Variants in CMC1 observed in about 807,000 individuals in gnomAD.
CMC1 encodes the protein COX assembly mitochondrial protein homolog.
Under a neutral mutation model 14.1 loss-of-function variants are expected in CMC1, and 14 were observed. That is an observed-to-expected ratio of 0.99 (90% CI 0.66 to 1.55). The LOEUF (loss-of-function observed/expected upper bound fraction) is 1.55, where lower values mean the gene tolerates loss of function less well. Among genes scored for constraint, CMC1 ranks in the 40% most tolerant of loss-of-function variants. The pLI is 0.00. For synonymous variants in CMC1, 50 were observed against 38.4 expected (o/e 1.30, Z -1.12); for missense variants, 127 against 123.8 (o/e 1.03, Z -0.12).
At chr3:28,290,628 T>C (rs998542370) in intron 2 of CMC1, among the ~76,000 whole-genome samples, 5 of 152,164 alleles carry the variant, frequency 3.3e-5, no homozygotes, top group Non-Finnish European at 7.3e-5. Context: ...TTCTGGAACA[T>C]ACTGTGCCCT....
Position 28,322,547 on chromosome 3 carries a change from A to G in CMC1, c.*2918A>G, listed in dbSNP as rs1703218513. The G allele has an allele frequency of 6.6e-6, 1 of 151,614 alleles. No individual in the cohort carries two copies. Among genetic ancestry groups the G allele is most frequent in the Non-Finnish European group, 1.5e-5 (1 of 67,372 alleles). The allele number at this position is 151,614 out of a possible 1,614,324, so 9.4% of individuals were successfully genotyped here. ...ATACAGCCTATGCAGCCACATGAGA[A>G]ATAGTTTTTGCTGCTTTGTTATTAC... is the stretch of plus-strand genomic sequence containing the variant. On this transcript the variant is annotated 3_prime_UTR_variant, in exon 4 of 4. Transcript: ENST00000466830.
At chr3:28,308,989 AAT>A (rs533554870) in intron 2 of CMC1, among the ~76,000 whole-genome samples, 3,212 of 30,202 alleles carry the variant, frequency 0.11, 106 homozygotes, top group Middle Eastern at 0.16. Flanking sequence ...CTCAAAAAAA[AAT>A]AAATAAATAA....
chr3:28,243,229 T>C (rs1279985756), intron 1 of CMC1, among the ~76,000 whole-genome samples: 1 of 152,024 alleles, frequency 6.6e-6, no homozygotes, highest in Non-Finnish European at 1.5e-5. Flanking sequence ...CTAATTTTTG[T>C]ATTTTTAGTA....
At chr3:28,276,865 G>A (rs781003271) in intron 2 of CMC1, among the ~76,000 whole-genome samples, 17 of 152,190 alleles carry the variant, frequency 1.1e-4, no homozygotes, top group Non-Finnish European at 1.6e-4. Context: ...TTAATAGCCC[G>A]TTTTTGAGGG....
At chr3:28,252,639 G>T (rs1341495735) in intron 1 of CMC1, among the ~76,000 whole-genome samples, 3 of 152,166 alleles carry the variant, frequency 2.0e-5, no homozygotes, top group Admixed American at 6.5e-5. Flanking sequence ...ACTGTCTAAA[G>T]GTTGTTTCCC....
intron 1 of CMC1, among the ~76,000 whole-genome samples, chr3:28,257,913 C>T (rs1367582813): frequency 6.6e-6 from 1 of 151,830 alleles, no homozygotes; most frequent in Non-Finnish European, 1.5e-5. Context: ...TTTCACAGTC[C>T]CATCAGCAAG....
chr3:28,299,679 A>AAG (rs1701924428), intron 2 of CMC1, among the ~76,000 whole-genome samples: 1 of 152,152 alleles, frequency 6.6e-6, no homozygotes. Context: ...TCTAGTTACT[A>AAG]ATTTTAAAAC....
intron 2 of CMC1, among the ~76,000 whole-genome samples, chr3:28,268,555 A>C (rs1254832078): frequency 6.6e-6 from 1 of 152,158 alleles, no homozygotes; most frequent in Non-Finnish European, 1.5e-5. Context: ...GTTCAGCATA[A>C]ATCATATTGT....
At chr3:28,275,734 TGAG>T (rs1229604493) in intron 2 of CMC1, among the ~76,000 whole-genome samples, 1 of 152,134 alleles carries the variant, frequency 6.6e-6, no homozygotes, top group African/African-American at 2.4e-5. Flanking sequence ...TCTGCTGATA[TGAG>T]GAGATCGTAG....
chr3:28,309,915 G>C lies in CMC1; in HGVS notation c.110-6418G>C, dbSNP rs1439157425. ...TGCCTGCTGGTCATACTTGGTACAT[G>C]CCTTTTCTCCTCCACCTGACGTCCA... On this transcript the variant is annotated intron_variant, in intron 2 of 3. Coordinates refer to ENST00000466830, the MANE Select transcript of CMC1 (RefSeq NM_182523.2). Among the ~76,000 whole-genome samples the C allele has an allele frequency of 2.4e-5, 3 of 127,000 alleles. No individual in the cohort carries two copies. In the Admixed American group the frequency reaches 2.6e-4, roughly 11 times the overall value. The allele number at this position is 127,000 out of a possible 152,430, so 83.3% of individuals were successfully genotyped here. A position where few individuals can be genotyped will look rare whatever the true frequency, so the allele number is the denominator to read the frequency against.
At position 28,321,802 on chromosome 3, in the gene CMC1, T is replaced by TA. The variant is rs539383695; in HGVS notation, c.*2174dup. 5.3e-5 allele frequency: 8 copies of TA among 151,466 alleles called. No homozygotes were observed. In the East Asian group the frequency reaches 1.6e-3, roughly 29 times the overall value. 9.4% of individuals were successfully genotyped at this position (151,466 alleles called of 1,614,324 possible). A position where few individuals can be genotyped will look rare whatever the true frequency, so the allele number is the denominator to read the frequency against. On this transcript the variant is annotated 3_prime_UTR_variant, in exon 4 of 4. Transcript: ENST00000466830. ...ATTTTGGCAGCAACTCAGTAAGTCT[T>TA]ACAGATGTAAATTTTACTTTAGCTA...
At chr3:28,311,586 A>C (rs1702641929) in intron 2 of CMC1, among the ~76,000 whole-genome samples, 1 of 152,150 alleles carries the variant, frequency 6.6e-6, no homozygotes, top group African/African-American at 2.4e-5. Context: ...TTGAAAACTG[A>C]GGGTGACCTC....
intron 2 of CMC1, among the ~76,000 whole-genome samples, chr3:28,303,323 A>C (rs1249361674): frequency 1.3e-5 from 2 of 152,168 alleles, no homozygotes; most frequent in Admixed American, 1.3e-4. Flanking sequence ...GTTTCTATTC[A>C]ACATTATTAA....
intron 2 of CMC1, among the ~76,000 whole-genome samples, chr3:28,287,178 AC>A (rs1220859311): frequency 6.6e-6 from 1 of 151,848 alleles, no homozygotes; most frequent in Non-Finnish European, 1.5e-5. Context: ...CCAAGAACAG[AC>A]TCCAGTGAAG....
rs930881483 is a variant in CMC1 at position 28,322,440 on chromosome 3, T to A, written c.*2811T>A. ...TAATCAAGCAATTATCTCATAAGAC[T>A]TTTTTTCTTTACAAAGGAAAATTTC... On this transcript the variant is annotated 3_prime_UTR_variant, in exon 4 of 4. Transcript: ENST00000466830. 6.6e-6 allele frequency: 1 copy of A among 151,650 alleles called. No homozygotes were observed. Among genetic ancestry groups the A allele is most frequent in the Non-Finnish European group, 1.5e-5 (1 of 67,424 alleles). The allele number at this position is 151,650 out of a possible 1,614,324, so 9.4% of individuals were successfully genotyped here.
At chr3:28,254,981 A>G (rs1439843895) in intron 1 of CMC1, among the ~76,000 whole-genome samples, 1 of 152,200 alleles carries the variant, frequency 6.6e-6, no homozygotes, top group Non-Finnish European at 1.5e-5. Flanking sequence ...TCCACTCTAC[A>G]AGATGTGTCA....
At chr3:28,309,862 A>ACACAC in intron 2 of CMC1, among the ~76,000 whole-genome samples, 2 of 41,626 alleles carry the variant, frequency 4.8e-5, no homozygotes, top group African/African-American at 1.5e-4. Context: ...CACACACACA[A>ACACAC]GCTAATTGCA....
chr3:28,243,128 T>C (rs1698619473), intron 1 of CMC1, among the ~76,000 whole-genome samples: 1 of 152,092 alleles, frequency 6.6e-6, no homozygotes, highest in Non-Finnish European at 1.5e-5. Flanking sequence ...CTATCTCGGC[T>C]CACTGTAGCC....
chr3:28,320,724 C>G lies in CMC1; in HGVS notation c.*1095C>G, dbSNP rs1369278140. 1 of 151,408 alleles carries G rather than the reference C, an allele frequency of 6.6e-6. No homozygotes were observed. Among genetic ancestry groups the G allele is most frequent in the Non-Finnish European group, 1.5e-5 (1 of 67,644 alleles). 9.4% of individuals were successfully genotyped at this position (151,408 alleles called of 1,614,324 possible). ...TCTTTCATTTTGAAAAGTTATATTT[C>G]TAAGTGAATTACCATTCTGTAACAT... is the stretch of plus-strand genomic sequence containing the variant. On this transcript the variant is annotated 3_prime_UTR_variant, in exon 4 of 4. Transcript: ENST00000466830.
Sources: allele counts gnomAD v4.1 joint callset (sites outside exome capture counted in the v4.1 genomes callset), GRCh38; gene constraint gnomAD v4.1.1; transcripts MANE v1.5; gene names NCBI Gene and HGNC (gene_info 2026-07-23, HGNC 2026-07-21).